FHIT: variants seen among roughly 807,000 people sequenced by gnomAD.
The protein encoded by FHIT is bis(5'-adenosyl)-triphosphatase.
Under a neutral mutation model 17.9 loss-of-function variants are expected in FHIT, and 19 were observed. That is an observed-to-expected ratio of 1.06 (90% confidence interval 0.74 to 1.56). The LOEUF (loss-of-function observed/expected upper bound fraction) is 1.56, where lower values mean the gene tolerates loss of function less well. FHIT is among the 40% of genes most tolerant of loss of function. FHIT has a pLI of 0.00. For missense variants in FHIT, 248 were observed against 189.2 expected (o/e 1.31, Z -1.82); for synonymous variants, 81 against 69.7 (o/e 1.16, Z -0.81).
intron 4 of FHIT, among the ~76,000 whole-genome samples, chr3:60,592,540 T>C (rs529306904): frequency 2.0e-5 from 3 of 152,072 alleles, no homozygotes; most frequent in Non-Finnish European, 4.4e-5. Flanking sequence ...ACCTCTGTGA[T>C]GGTTCTTATT....
chr3:61,221,125 G>C (rs903993994), intron 1 of FHIT, among the ~76,000 whole-genome samples: 1 of 152,190 alleles, frequency 6.6e-6, no homozygotes, highest in East Asian at 1.9e-4. Flanking sequence ...GACCCTGGCT[G>C]GGTTGGTGCC....
At chr3:60,760,587 C>T (rs200755041) in intron 4 of FHIT, among the ~76,000 whole-genome samples, 4 of 152,062 alleles carry the variant, frequency 2.6e-5, no homozygotes, top group East Asian at 3.9e-4. Context: ...TTCCTGCTCC[C>T]GTCAGCTTAA....
intron 5 of FHIT, among the ~76,000 whole-genome samples, chr3:60,156,479 C>A (rs114858245): frequency 6.6e-6 from 1 of 151,146 alleles, no homozygotes; most frequent in Non-Finnish European, 1.5e-5. Context: ...CTGGGTGCAG[C>A]GGTTCACACC....
At chr3:60,081,773 C>T (rs1703295374) in intron 5 of FHIT, among the ~76,000 whole-genome samples, 1 of 151,932 alleles carries the variant, frequency 6.6e-6, no homozygotes, top group Non-Finnish European at 1.5e-5. Flanking sequence ...TATACAGGAC[C>T]CTAATCAGAG....
intron 5 of FHIT, among the ~76,000 whole-genome samples, chr3:60,479,537 G>T (rs887475647): frequency 6.6e-6 from 1 of 152,152 alleles, no homozygotes; most frequent in South Asian, 2.1e-4. Flanking sequence ...CAGTGATGCT[G>T]GTATAAATGA....
At chr3:60,103,977 A>G (rs936145607) in intron 5 of FHIT, among the ~76,000 whole-genome samples, 3 of 152,174 alleles carry the variant, frequency 2.0e-5, no homozygotes, top group African/African-American at 4.8e-5. Context: ...GCAGAAAGGA[A>G]GTAATTCCTA....
At chr3:60,227,713 G>C (rs2107546175) in intron 5 of FHIT, among the ~76,000 whole-genome samples, 1 of 152,276 alleles carries the variant, frequency 6.6e-6, no homozygotes, top group Middle Eastern at 3.4e-3. Flanking sequence ...GTATCAGTCA[G>C]TGCTCTGATT....
chr3:60,608,443 C>A (rs1371182202), intron 4 of FHIT, among the ~76,000 whole-genome samples: 2 of 152,132 alleles, frequency 1.3e-5, no homozygotes, highest in African/African-American at 2.4e-5. Flanking sequence ...TAGATCCAGG[C>A]CCCTGAAGCT....
rs187747064 is a variant in FHIT at position 60,821,015 on chromosome 3, G to A, written c.-18+904C>T. 5.7e-3 allele frequency among the ~76,000 whole-genome samples: 860 copies of A among 151,656 alleles called. 43 individuals are homozygous for A. The highest frequency in any genetic ancestry group is 0.049 in the Admixed American group (751 of 15,236). ...TTTTTTGGCAGGGTCTCACTCTGTC[G>A]CCTAGGCTGGAGTGCAATGGCATGA... is the stretch of plus-strand genomic sequence containing the variant. On this transcript the variant is annotated intron_variant, in intron 4 of 9. Transcript: ENST00000492590.
chr3:60,158,136 A>G (rs996555030), intron 5 of FHIT, among the ~76,000 whole-genome samples: 1 of 152,128 alleles, frequency 6.6e-6, no homozygotes, highest in Non-Finnish European at 1.5e-5. Flanking sequence ...CAAACCCTTG[A>G]CATCTGGAAA....
chr3:59,956,465 C>G (rs569853516), intron 7 of FHIT, among the ~76,000 whole-genome samples: 1 of 152,290 alleles, frequency 6.6e-6, no homozygotes, highest in South Asian at 2.1e-4. Flanking sequence ...GTCAAGAGAT[C>G]GAGACCATCC....
chr3:60,073,995 T>A (rs920685952), intron 5 of FHIT, among the ~76,000 whole-genome samples: 5 of 152,176 alleles, frequency 3.3e-5, no homozygotes, highest in African/African-American at 1.2e-4. Flanking sequence ...TCCTTTGATA[T>A]CAGACTTGAT....
At chr3:59,915,198 A>G (rs957317156) in intron 8 of FHIT, among the ~76,000 whole-genome samples, 1 of 152,134 alleles carries the variant, frequency 6.6e-6, no homozygotes, top group Non-Finnish European at 1.5e-5. Context: ...GATGGAATGT[A>G]TCTGGTTGGA....
intron 4 of FHIT, among the ~76,000 whole-genome samples, chr3:60,703,425 T>C (rs1246259945): frequency 6.6e-6 from 1 of 152,200 alleles, no homozygotes; most frequent in African/African-American, 2.4e-5. Flanking sequence ...ACAAAGCATA[T>C]GTTGTATAAT....
intron 4 of FHIT, among the ~76,000 whole-genome samples, chr3:60,754,124 G>A (rs1169463282): frequency 1.3e-5 from 2 of 152,102 alleles, no homozygotes; most frequent in African/African-American, 2.4e-5. Context: ...CAAGGGATCT[G>A]GCCTTACCAG....
In FHIT at chr3:60,123,332, T is replaced by C. The variant is rs553850222; in HGVS notation, c.104-109180A>G. On this transcript the variant is annotated intron_variant, in intron 5 of 9. Transcript: ENST00000492590. ...AGTGTTTCATAATGGATGTTAAACT[T>C]GATTTAACATATGGTTGGCTCATTT... Among the ~76,000 whole-genome samples the C allele has an allele frequency of 1.3e-5, 2 of 152,298 alleles. 1 individual carries two copies. The highest frequency in any genetic ancestry group is 4.1e-4 in the South Asian group (2 of 4,828).
chr3:60,158,498 G>A (rs1700803619), intron 5 of FHIT, among the ~76,000 whole-genome samples: 1 of 152,082 alleles, frequency 6.6e-6, no homozygotes, highest in Admixed American at 6.5e-5. Context: ...TTTTAGTAGA[G>A]ATGGGGTTTC....
chr3:59,853,909 T>C (rs1214133096), intron 8 of FHIT, among the ~76,000 whole-genome samples: 1 of 152,162 alleles, frequency 6.6e-6, no homozygotes, highest in African/African-American at 2.4e-5. Context: ...GGAATCTCAG[T>C]GCTCCTTCGT....
At chr3:60,744,683 T>G (rs1470252429) in intron 4 of FHIT, among the ~76,000 whole-genome samples, 1 of 152,162 alleles carries the variant, frequency 6.6e-6, no homozygotes, top group East Asian at 1.9e-4. Flanking sequence ...GTGAAATGGG[T>G]GTAGTTGCTG....
Sources: gnomAD v4.1 joint callset for allele counts (sites outside exome capture counted in the v4.1 genomes callset) on GRCh38, gnomAD v4.1.1 for gene constraint, MANE v1.5 for transcripts, NCBI Gene and HGNC (gene_info 2026-07-23, HGNC 2026-07-21) for gene names.